Variants in TXNRD1 observed in about 807,000 individuals in gnomAD.
TXNRD1 encodes the protein thioredoxin reductase 1.
TXNRD1 carries 57 observed loss-of-function variants against 80.3 expected under a neutral mutation model. The observed-to-expected ratio is 0.71, with a 90% CI of 0.57 to 0.89. TXNRD1 has a LOEUF of 0.89. Ranked by LOEUF, TXNRD1 falls within the 40% of genes least tolerant of loss-of-function variation. The pLI is 0.00. For missense variants in TXNRD1, 730 were observed against 803.0 expected, an observed-to-expected ratio of 0.91 and a Z score of 1.10; for synonymous variants, 291 against 285.2, an observed-to-expected ratio of 1.02 and a Z score of -0.20.
At chr12:104,269,671 A>C (rs1004392894) in intron 3 of TXNRD1, among the ~76,000 whole-genome samples, 3 of 151,502 alleles carry the variant, frequency 2.0e-5, no homozygotes, top group African/African-American at 7.3e-5. Context: ...AGGTTCAAGC[A>C]ATTCTCCTGC....
chr12:104,279,324 A>C (rs749572298), intron 3 of TXNRD1, among the ~76,000 whole-genome samples: 3 of 152,224 alleles, frequency 2.0e-5, no homozygotes, highest in Non-Finnish European at 4.4e-5. Context: ...GTAACATGAG[A>C]ACATTTCATA....
At chr12:104,321,455 A>G in intron 10 of TXNRD1, 139 bp downstream of exon 10, 2 of 656,628 alleles carry the variant, frequency 3.0e-6, no homozygotes, top group African/African-American at 1.8e-5. Flanking sequence ...GTATACTGGT[A>G]TATAAACTTG....
intron 9 of TXNRD1, among the ~76,000 whole-genome samples, chr12:104,320,587 G>C (rs1405179689): frequency 6.6e-6 from 1 of 151,640 alleles, no homozygotes; most frequent in Non-Finnish European, 1.5e-5. Context: ...AGCTCAACTA[G>C]AAGACTTTTG....
intron 1 of TXNRD1, among the ~76,000 whole-genome samples, chr12:104,248,191 T>A (rs2033032958): frequency 6.6e-6 from 1 of 152,214 alleles, no homozygotes; most frequent in Admixed American, 6.5e-5. Flanking sequence ...CAGTATGCAT[T>A]AGAACTACCA....
At chr12:104,276,962 T>C (rs948125620) in intron 3 of TXNRD1, among the ~76,000 whole-genome samples, 2 of 152,136 alleles carry the variant, frequency 1.3e-5, no homozygotes, top group Non-Finnish European at 2.9e-5. Context: ...GAAATAAAGA[T>C]GGGAGCCGGG....
In TXNRD1 at chr12:104,245,615, C is replaced by T. The variant is rs1309595987; in HGVS notation, c.92-5912C>T. 7.1e-5 allele frequency among the ~76,000 whole-genome samples: 10 copies of T among 140,622 alleles called. No individual in the cohort carries two copies. In the East Asian group the frequency reaches 2.1e-3, roughly 29 times the overall value. 92.3% of individuals were successfully genotyped at this position (140,622 alleles called of 152,430 possible). On this transcript the variant is annotated intron_variant, in intron 1 of 16. Coordinates refer to ENST00000525566, the MANE Select transcript of TXNRD1 (RefSeq NM_001093771.3). ...CGAGATCCGAGATGGAGCCACTGCA[C>T]TGCAGCCTGGGTGTTGGAGCAAGAC...
At chr12:104,264,577 C>T (rs1277153221) in intron 3 of TXNRD1, among the ~76,000 whole-genome samples, 1 of 152,124 alleles carries the variant, frequency 6.6e-6, no homozygotes, top group Admixed American at 6.6e-5. Flanking sequence ...CATATAATTG[C>T]ATCCAGAGAT....
In TXNRD1 at chr12:104,349,934, G is replaced by A. The variant is rs1425120673; in HGVS notation, c.*1513G>A. 1 of 152,526 alleles carries A rather than the reference G, an allele frequency of 6.6e-6. No individual in the cohort carries two copies. The highest frequency in any genetic ancestry group is 6.5e-5 in the Admixed American group (1 of 15,284). 9.4% of individuals were successfully genotyped at this position (152,526 alleles called of 1,614,324 possible). On this transcript the variant is annotated 3_prime_UTR_variant, in exon 17 of 17. Coordinates refer to ENST00000525566, the MANE Select transcript of TXNRD1 (RefSeq NM_001093771.3). ...TCACGTCCTCATCTCATTTGGCTGT[G>A]TAAAGAAATGGGAAAAGGGAAAAGG...
intron 1 of TXNRD1, among the ~76,000 whole-genome samples, chr12:104,233,971 G>A (rs1359881470): frequency 6.6e-6 from 1 of 152,100 alleles, no homozygotes; most frequent in Non-Finnish European, 1.5e-5. Flanking sequence ...CTCTTATTTT[G>A]CTTGATATTT....
At chr12:104,343,463 TGGCCA>T (rs1448519191) in intron 16 of TXNRD1, among the ~76,000 whole-genome samples, 10 of 152,148 alleles carry the variant, frequency 6.6e-5, no homozygotes, top group Non-Finnish European at 1.0e-4. Flanking sequence ...TAGTGAGACC[TGGCCA>T]TACCACCCAG....
At position 104,279,707 on chromosome 12, in the gene TXNRD1, A is replaced by G. The variant is rs531694692; in HGVS notation, c.305-9224A>G. The stretch of plus-strand genomic sequence containing the variant: ...TTTGGAAATTGCCAAAGTTCCCTCT[A>G]CTGGATTATTCCTTTAGCATAAAAA... On this transcript the variant is annotated intron_variant, in intron 3 of 16. Transcript: ENST00000525566. 5.9e-5 allele frequency among the ~76,000 whole-genome samples: 9 copies of G among 152,326 alleles called. No individual in the cohort carries two copies. In the East Asian group the frequency reaches 1.5e-3, roughly 26 times the overall value.
At chr12:104,292,609 G>A (rs1395638483) in intron 4 of TXNRD1, among the ~76,000 whole-genome samples, 1 of 152,028 alleles carries the variant, frequency 6.6e-6, no homozygotes, top group African/African-American at 2.4e-5. Context: ...TGGTCGGGCT[G>A]GTCTCGATCT....
chr12:104,328,758 CAAAA>C (rs33918583), intron 13 of TXNRD1, among the ~76,000 whole-genome samples: 3 of 92,766 alleles, frequency 3.2e-5, no homozygotes, highest in African/African-American at 4.1e-5. Flanking sequence ...GACTCTGCCT[CAAAA>C]AAAAAAAAAA....
intron 10 of TXNRD1, among the ~76,000 whole-genome samples, chr12:104,323,407 G>C (rs1024609455): frequency 6.7e-6 from 1 of 149,072 alleles, no homozygotes; most frequent in Non-Finnish European, 1.5e-5. Context: ...GCGGGGGGCT[G>C]ACCCCCCACC....
At chr12:104,293,107 T>TA in intron 4 of TXNRD1, among the ~76,000 whole-genome samples, 1 of 152,314 alleles carries the variant, frequency 6.6e-6, no homozygotes, top group Admixed American at 6.5e-5. Flanking sequence ...CCAGTATTCT[T>TA]ATAGGGAACC....
rs541223149 is a variant in TXNRD1 at position 104,320,878 on chromosome 12, G to A, written c.990-213G>A. ...ACACAGTTTGCTGTGTTTAGCTATGGGTAGCTTGAGCTACTCCCAAAGCAA... is the reference window on the plus strand; with the variant it reads ...ACACAGTTTGCTGTGTTTAGCTATGAGTAGCTTGAGCTACTCCCAAAGCAA... On this transcript the variant is annotated intron_variant, in intron 9 of 16. Coordinates refer to ENST00000525566, the MANE Select transcript of TXNRD1 (RefSeq NM_001093771.3). Among the ~76,000 whole-genome samples, 8 of 152,164 alleles carry A rather than the reference G, an allele frequency of 5.3e-5. No individual in the cohort carries two copies. The South Asian group carries it at 1.2e-3, about 24-fold the overall frequency.
chr12:104,227,377 T>G (rs1235226843), intron 1 of TXNRD1, among the ~76,000 whole-genome samples: 1 of 152,080 alleles, frequency 6.6e-6, no homozygotes, highest in East Asian at 1.9e-4. Flanking sequence ...TCCTCCTGCT[T>G]GAGCCTCCTG....
At chr12:104,238,013 AAAAAAAAG>A (rs1052950392) in intron 1 of TXNRD1, among the ~76,000 whole-genome samples, 2 of 152,112 alleles carry the variant, frequency 1.3e-5, no homozygotes, top group Non-Finnish European at 2.9e-5. Flanking sequence ...TTCATCTCAA[AAAAAAAAG>A]AAAAAAAGAA....
At chr12:104,240,070 G>C (rs954359032) in intron 1 of TXNRD1, among the ~76,000 whole-genome samples, 4 of 152,128 alleles carry the variant, frequency 2.6e-5, no homozygotes, top group Admixed American at 1.3e-4. Flanking sequence ...TCTCTGTCTA[G>C]TTTGAGTATC....
Sources: gnomAD v4.1 joint callset for allele counts (sites outside exome capture counted in the v4.1 genomes callset) on GRCh38, gnomAD v4.1.1 for gene constraint, MANE v1.5 for transcripts, NCBI Gene and HGNC (gene_info 2026-07-23, HGNC 2026-07-21) for gene names.